Variants in CAMK1D observed in about 807,000 individuals in gnomAD.
CAMK1D encodes the protein calcium/calmodulin dependent protein kinase ID.
In CAMK1D, 9 loss-of-function variants were observed where a neutral mutation model predicts 47.7. The observed-to-expected ratio is 0.19, with a 90% CI of 0.11 to 0.33. CAMK1D has a LOEUF of 0.33. CAMK1D is among the 10% of genes least tolerant of loss of function. CAMK1D has a pLI of 1.00. For missense variants in CAMK1D, 291 were observed against 488.7 expected (o/e 0.60, Z 3.81); for synonymous variants, 184 against 184.9 (o/e 0.99, Z 0.04).
intron 1 of CAMK1D, among the ~76,000 whole-genome samples, chr10:12,523,777 A>C (rs1200239105): frequency 6.6e-6 from 1 of 152,142 alleles, no homozygotes; most frequent in Non-Finnish European, 1.5e-5. Flanking sequence ...GGAGAGGGAG[A>C]GGGAGCGGGA....
chr10:12,521,768 T>C (rs1044741127), intron 1 of CAMK1D, among the ~76,000 whole-genome samples: 2 of 152,242 alleles, frequency 1.3e-5, no homozygotes, highest in African/African-American at 2.4e-5. Flanking sequence ...AGCCCTGTTT[T>C]TAGATAGGTA....
At chr10:12,427,706 T>TGTTTTTTTTTG (rs201325731) in intron 1 of CAMK1D, among the ~76,000 whole-genome samples, 1 of 102,764 alleles carries the variant, frequency 9.7e-6, no homozygotes, top group Admixed American at 1.0e-4. Flanking sequence ...TACTGTTTTT[T>TGTTTTTTTTTG]TTTTTTTTTT....
Position 12,526,124 on chromosome 10 carries a change from G to T in CAMK1D, c.93-27101G>T, listed in dbSNP as rs186608808. Among the ~76,000 whole-genome samples the T allele has an allele frequency of 3.2e-4, 49 of 152,338 alleles. 1 individual carries two copies. In the East Asian group the frequency reaches 8.3e-3, roughly 26 times the overall value. Reference sequence around the variant, plus strand: ...AATCCTGTTAAAATCTGCTGGAAAAGGTTGAAATTTCTTTCCTTTTCTTTT... The same window carrying T: ...AATCCTGTTAAAATCTGCTGGAAAATGTTGAAATTTCTTTCCTTTTCTTTT... On this transcript the variant is annotated intron_variant, in intron 1 of 10. Transcript: ENST00000619168.
At chr10:12,569,119 T>C (rs1837236016) in intron 2 of CAMK1D, among the ~76,000 whole-genome samples, 1 of 152,202 alleles carries the variant, frequency 6.6e-6, no homozygotes, top group South Asian at 2.1e-4. Context: ...ATGGTCTACA[T>C]GGCAATGAAA....
chr10:12,779,043 G>A (rs1169684637), intron 5 of CAMK1D, among the ~76,000 whole-genome samples: 1 of 152,162 alleles, frequency 6.6e-6, no homozygotes, highest in African/African-American at 2.4e-5. Context: ...GCTTCTTGGA[G>A]GATCTGGGAG....
At chr10:12,639,724 T>C (rs1287069602) in intron 2 of CAMK1D, among the ~76,000 whole-genome samples, 1 of 152,232 alleles carries the variant, frequency 6.6e-6, no homozygotes, top group Non-Finnish European at 1.5e-5. Context: ...TTTAGTGATA[T>C]TGATTTGCAT....
Position 12,769,777 on chromosome 10 carries a change from C to T in CAMK1D, c.543C>T (p.Ala181=). 6.2e-7 allele frequency: 1 copy of T among 1,614,160 alleles called. No individual in the cohort carries two copies. The highest frequency in any genetic ancestry group is 8.5e-7 in the Non-Finnish European group (1 of 1,179,994). The change falls in exon 5 of 11, where the codon GCC becomes GCT. Residue 181 remains alanine, a synonymous_variant. Transcript: ENST00000619168. ...GCAAAGGAGATGTGATGTCCACTGC[C>T]TGTGGAACTCCAGGCTATGTCGGTA... The part of the protein sequence containing the change: ...MEGKGDVMST[A]CGTPGYVAPE...
chr10:12,679,415 T>TA (rs1242424856), intron 3 of CAMK1D, among the ~76,000 whole-genome samples: 1 of 152,168 alleles, frequency 6.6e-6, no homozygotes, highest in South Asian at 2.1e-4. Context: ...TAAAATATAT[T>TA]AAAAAAATAC....
intron 2 of CAMK1D, among the ~76,000 whole-genome samples, chr10:12,640,241 C>G (rs1357945578): frequency 6.6e-6 from 1 of 152,120 alleles, no homozygotes; most frequent in Non-Finnish European, 1.5e-5. Flanking sequence ...TGCCCCCACC[C>G]CTTCTGGTTC....
rs1227558063 is a variant in CAMK1D at position 12,819,588 on chromosome 10, CAT to C, written c.833+3261_833+3262del. The stretch of plus-strand genomic sequence containing the variant: ...TTTCAAGGGGTTACGTGAGATAATA[CAT>C]GTGACAAAGAAGAAGCGTTGCACAT... On this transcript the variant is annotated intron_variant, in intron 8 of 10. Coordinates refer to ENST00000619168, the MANE Select transcript of CAMK1D (RefSeq NM_153498.4). 3.9e-5 allele frequency among the ~76,000 whole-genome samples: 6 copies of C among 152,376 alleles called. No individual in the cohort carries two copies. In the East Asian group the frequency reaches 1.2e-3, roughly 29 times the overall value.
intron 1 of CAMK1D, among the ~76,000 whole-genome samples, chr10:12,365,318 T>C (rs1396162490): frequency 2.0e-5 from 3 of 152,196 alleles, no homozygotes; most frequent in Non-Finnish European, 4.4e-5. Flanking sequence ...GCTTACGTTA[T>C]GGACTTTTTA....
At chr10:12,651,309 A>G (rs374868415) in intron 2 of CAMK1D, among the ~76,000 whole-genome samples, 1 of 152,208 alleles carries the variant, frequency 6.6e-6, no homozygotes, top group Non-Finnish European at 1.5e-5. Context: ...TTATGCCTAC[A>G]TACAGACAGG....
chr10:12,573,493 C>G (rs1483124859), intron 2 of CAMK1D, among the ~76,000 whole-genome samples: 1 of 152,188 alleles, frequency 6.6e-6, no homozygotes, highest in Non-Finnish European at 1.5e-5. Context: ...CCAAATGGAG[C>G]ACACACTTAT....
intron 1 of CAMK1D, among the ~76,000 whole-genome samples, chr10:12,503,605 A>G (rs1289117908): frequency 6.6e-6 from 1 of 152,220 alleles, no homozygotes; most frequent in Non-Finnish European, 1.5e-5. Context: ...AGGTTGGGCC[A>G]GACCTAGCCA....
intron 1 of CAMK1D, among the ~76,000 whole-genome samples, chr10:12,425,224 T>C (rs529050807): frequency 6.6e-6 from 1 of 152,140 alleles, no homozygotes; most frequent in African/African-American, 2.4e-5. Flanking sequence ...CTGGGAGACC[T>C]TCCCGTTTTC....
chr10:12,416,155 G>GT (rs889454426), intron 1 of CAMK1D, among the ~76,000 whole-genome samples: 56 of 147,454 alleles, frequency 3.8e-4, no homozygotes, highest in African/African-American at 7.9e-4. Flanking sequence ...TATTATTCTT[G>GT]TTTTTTTTTT....
chr10:12,669,697 A>T (rs1300461195), intron 3 of CAMK1D, among the ~76,000 whole-genome samples: 1 of 152,160 alleles, frequency 6.6e-6, no homozygotes, highest in Admixed American at 6.5e-5. Flanking sequence ...TCTCTTCCTC[A>T]TTCATGACCC....
chr10:12,403,877 G>A (rs373590623), intron 1 of CAMK1D, among the ~76,000 whole-genome samples: 1 of 151,788 alleles, frequency 6.6e-6, no homozygotes, highest in Non-Finnish European at 1.5e-5. Flanking sequence ...CATTGCAGAC[G>A]TGAGACTCAT....
chr10:12,423,568 C>T (rs1840128862), intron 1 of CAMK1D, among the ~76,000 whole-genome samples: 1 of 152,186 alleles, frequency 6.6e-6, no homozygotes, highest in South Asian at 2.1e-4. Flanking sequence ...CAAATAAATT[C>T]TATTACCTCC....
Sources: allele counts gnomAD v4.1 joint callset (sites outside exome capture counted in the v4.1 genomes callset), GRCh38; gene constraint gnomAD v4.1.1; transcripts MANE v1.5; gene names NCBI Gene and HGNC (gene_info 2026-07-23, HGNC 2026-07-21).